NCALD: variants seen among roughly 807,000 people sequenced by gnomAD.
NCALD encodes the protein neurocalcin-delta.
Under a neutral mutation model 18.6 loss-of-function variants are expected in NCALD, and 10 were observed. The observed-to-expected ratio is 0.54, with a 90% confidence interval of 0.33 to 0.91. The LOEUF (loss-of-function observed/expected upper bound fraction) is 0.91, where lower values mean the gene tolerates loss of function less well. NCALD is among the 40% of genes least tolerant of loss of function. The pLI is 0.03. For synonymous variants in NCALD, 88 were observed against 87.4 expected (o/e 1.01, Z -0.04); for missense variants, 184 against 247.6 (o/e 0.74, Z 1.72).
chr8:101,763,973 CACA>C (rs1269192722), intron 1 of NCALD, among the ~76,000 whole-genome samples: 17 of 26,106 alleles, frequency 6.5e-4, no homozygotes, highest in African/African-American at 1.0e-3. Flanking sequence ...TCTCCACACA[CACA>C]CACACACACA....
intron 4 of NCALD, among the ~76,000 whole-genome samples, chr8:101,817,601 T>C (rs1168964179): frequency 1.3e-5 from 2 of 150,762 alleles, no homozygotes; most frequent in African/African-American, 4.9e-5. Context: ...AGAGACTGAA[T>C]TGATAGATAC....
At chr8:101,818,135 A>G (rs901407933) in intron 4 of NCALD, among the ~76,000 whole-genome samples, 1 of 152,190 alleles carries the variant, frequency 6.6e-6, no homozygotes, top group African/African-American at 2.4e-5. Context: ...ATTATAAAAC[A>G]TTATAAAGGG....
At chr8:101,851,706 C>A (rs1348393226) in intron 4 of NCALD, among the ~76,000 whole-genome samples, 1 of 152,020 alleles carries the variant, frequency 6.6e-6, no homozygotes, top group Non-Finnish European at 1.5e-5. Flanking sequence ...CTCCTGGATC[C>A]TTTGGGTTAG....
intron 2 of NCALD, among the ~76,000 whole-genome samples, chr8:101,695,635 C>T (rs1814956644): frequency 6.6e-6 from 1 of 152,132 alleles, no homozygotes; most frequent in Admixed American, 6.5e-5. Context: ...AGCCTTCCAT[C>T]ATCTTCCCTT....
intron 1 of NCALD, among the ~76,000 whole-genome samples, chr8:101,749,520 T>C (rs1482175890): frequency 6.6e-6 from 1 of 152,190 alleles, no homozygotes; most frequent in Non-Finnish European, 1.5e-5. Context: ...TTCCACTAAG[T>C]ATATGACAGG....
rs1001452291 is a variant in NCALD at position 102,106,007 on chromosome 8, G to A, written c.-210+18230C>T. Among the ~76,000 whole-genome samples, 99 of 151,992 alleles carry A rather than the reference G, an allele frequency of 6.5e-4. 1 individual carries two copies. Among genetic ancestry groups the A allele is most frequent in the Admixed American group, 3.5e-3 (54 of 15,252 alleles). On this transcript the variant is annotated intron_variant, in intron 1 of 6. Transcript: ENST00000311028. ...AGTAGTCATTGCTACAAGAACCTCC[G>A]TTACTCAAATTAGTTTGAGTGACAT...
chr8:101,845,956 T>A (rs941187962), intron 4 of NCALD, among the ~76,000 whole-genome samples: 1 of 152,208 alleles, frequency 6.6e-6, no homozygotes, highest in East Asian at 1.9e-4. Flanking sequence ...TGTGCCTGGA[T>A]TATTTCACTA....
chr8:101,848,674 G>C (rs1814970189), intron 4 of NCALD, among the ~76,000 whole-genome samples: 1 of 151,798 alleles, frequency 6.6e-6, no homozygotes. Context: ...TGCCTTCTCT[G>C]TTTTCCATTT....
chr8:101,896,185 G>C (rs1045558753), intron 3 of NCALD, among the ~76,000 whole-genome samples: 3 of 151,782 alleles, frequency 2.0e-5, no homozygotes, highest in Non-Finnish European at 2.9e-5. Flanking sequence ...CAATGGAACA[G>C]AACAGAGGCC....
intron 2 of NCALD, among the ~76,000 whole-genome samples, chr8:101,714,768 G>A (rs912988640): frequency 8.6e-5 from 13 of 151,094 alleles, no homozygotes; most frequent in East Asian, 5.9e-4. Flanking sequence ...AGGCCGAGGC[G>A]GGTGGATCAT....
chr8:101,905,374 A>G (rs947700774), intron 3 of NCALD, among the ~76,000 whole-genome samples: 1 of 147,832 alleles, frequency 6.8e-6, no homozygotes, highest in Non-Finnish European at 1.5e-5. Context: ...TGGACTCTCT[A>G]TTTCTTCCCT....
rs1310981264 is a variant in NCALD, at chr8:102,032,453, C to T, written c.-209-12164G>A. 7.3e-5 allele frequency among the ~76,000 whole-genome samples: 11 copies of T among 151,498 alleles called. 1 individual carries two copies. The highest frequency in any genetic ancestry group is 1.5e-5 in the Non-Finnish European group (1 of 67,992). ...ACTCAGGGATGGCCCTGAAAGATAG[C>T]GTAGAGAGAAAATCCTCCCAGTTGG... is the stretch of plus-strand genomic sequence containing the variant. On this transcript the variant is annotated intron_variant, in intron 1 of 6. Coordinates refer to the NCALD transcript ENST00000311028.
At chr8:101,987,529 T>C (rs1776771892) in intron 2 of NCALD, among the ~76,000 whole-genome samples, 1 of 151,832 alleles carries the variant, frequency 6.6e-6, no homozygotes, top group South Asian at 2.1e-4. Context: ...AAAAGAAAAA[T>C]ATAAGTGATA....
chr8:101,852,941 C>T (rs180762932), intron 4 of NCALD, among the ~76,000 whole-genome samples: 193 of 152,200 alleles, frequency 1.3e-3, no homozygotes, highest in Non-Finnish European at 2.4e-3. Flanking sequence ...AATACATTTG[C>T]AGGCCAGTCG....
intron 4 of NCALD, among the ~76,000 whole-genome samples, chr8:101,820,843 C>T (rs1813691722): frequency 6.6e-6 from 1 of 152,228 alleles, no homozygotes; most frequent in African/African-American, 2.4e-5. Context: ...GCGTTAGCTA[C>T]ATTGGCAACC....
intron 1 of NCALD, among the ~76,000 whole-genome samples, chr8:101,769,671 T>C (rs1224389215): frequency 6.6e-6 from 1 of 152,018 alleles, no homozygotes; most frequent in East Asian, 1.9e-4. Context: ...TTTCCAACAC[T>C]TACCTGCAAC....
At chr8:102,026,315 CTA>C (rs911346593) in intron 1 of NCALD, among the ~76,000 whole-genome samples, 12 of 152,298 alleles carry the variant, frequency 7.9e-5, no homozygotes, top group Non-Finnish European at 1.8e-4. Flanking sequence ...TTCCTTCCAC[CTA>C]TGAGCCTGTA....
At chr8:102,060,105 C>T (rs1039302787) in intron 1 of NCALD, among the ~76,000 whole-genome samples, 2 of 152,128 alleles carry the variant, frequency 1.3e-5, no homozygotes, top group African/African-American at 2.4e-5. Context: ...CTCAGCCTCC[C>T]GAGTAGCTGG....
intron 3 of NCALD, among the ~76,000 whole-genome samples, chr8:101,914,664 T>G (rs1280018281): frequency 2.0e-5 from 3 of 152,258 alleles, no homozygotes; most frequent in African/African-American, 7.2e-5. Flanking sequence ...TAATTCTAAC[T>G]TCCTTTCTTT....
Sources: gnomAD v4.1 joint callset for allele counts (sites outside exome capture counted in the v4.1 genomes callset) on GRCh38, gnomAD v4.1.1 for gene constraint, MANE v1.5 for transcripts, NCBI Gene and HGNC (gene_info 2026-07-23, HGNC 2026-07-21) for gene names.